Variants in SEPTIN11 observed in about 807,000 individuals in gnomAD.
The protein encoded by SEPTIN11 is septin 11, also known as septin-11.
In SEPTIN11, 25 loss-of-function variants were observed where a neutral mutation model predicts 51.4. The observed-to-expected ratio is 0.49, with a 90% CI of 0.35 to 0.68. The LOEUF (loss-of-function observed/expected upper bound fraction) is 0.68. SEPTIN11 is among the 30% of genes least tolerant of loss of function. The pLI is 0.00. For synonymous variants in SEPTIN11, 174 were observed against 184.1 expected, an observed-to-expected ratio of 0.95 and a Z score of 0.44; for missense variants, 381 against 520.8, an observed-to-expected ratio of 0.73 and a Z score of 2.61.
chr4:77,012,114 G>GA (rs1724910434), intron 4 of SEPTIN11, among the ~76,000 whole-genome samples, 193 bp downstream of exon 4: 1 of 117,630 alleles, frequency 8.5e-6, no homozygotes, highest in African/African-American at 3.2e-5. Context: ...AACAAAACTA[G>GA]CAAAAAAAAA....
intron 9 of SEPTIN11, among the ~76,000 whole-genome samples, chr4:77,034,248 A>G (rs2109989776): frequency 6.6e-6 from 1 of 152,326 alleles, no homozygotes; most frequent in East Asian, 1.9e-4. Flanking sequence ...TGGTTTCAAG[A>G]AGTCACTTGT....
At chr4:77,039,267 G>T, downstream of SEPTIN11, 1 of 1,138,734 alleles carries the variant, frequency 8.8e-7, no homozygotes, top group Non-Finnish European at 1.1e-6. Context: ...TGCCCATAGT[G>T]GATACTGAAG....
chr4:76,949,989 C>A, intron 1 of SEPTIN11, 59 bp downstream of exon 1: 1 of 1,383,704 alleles, frequency 7.2e-7, no homozygotes, highest in Non-Finnish European at 9.3e-7. Flanking sequence ...TGCTCTGGGG[C>A]GGGTGCGGTG....
In SEPTIN11 at chr4:77,012,148, G is replaced by A. The variant is rs556312980; in HGVS notation, c.525+227G>A. ...AAAAAAAAAGTCAAGTTGCTTTCCA[G>A]GAAGTATTTTTAATTCTTAAATGGG... is the stretch of plus-strand genomic sequence containing the variant. On this transcript the variant is annotated intron_variant, in intron 4 of 9. Transcript: ENST00000264893. Among the ~76,000 whole-genome samples, 8 of 149,386 alleles carry A rather than the reference G, an allele frequency of 5.4e-5. No homozygotes were observed. In the East Asian group the frequency reaches 1.4e-3, roughly 26 times the overall value.
intron 3 of SEPTIN11, among the ~76,000 whole-genome samples, chr4:77,010,984 A>T (rs892306464): frequency 1.3e-5 from 2 of 152,232 alleles, no homozygotes; most frequent in Non-Finnish European, 2.9e-5. Context: ...ATTACACATA[A>T]TTATCCAAAA....
chr4:77,010,665 T>A (rs1021713236), intron 3 of SEPTIN11, among the ~76,000 whole-genome samples: 1 of 152,248 alleles, frequency 6.6e-6, no homozygotes, highest in Non-Finnish European at 1.5e-5. Flanking sequence ...AGATTTGTGG[T>A]TCCCTTTCAA....
At chr4:77,033,192 G>A (rs1195938276) in intron 9 of SEPTIN11, among the ~76,000 whole-genome samples, 1 of 152,158 alleles carries the variant, frequency 6.6e-6, no homozygotes, top group South Asian at 2.1e-4. Context: ...ACTGCCAGTG[G>A]TAGTGGAGTG....
chr4:77,030,977 A>C lies in SEPTIN11; in HGVS notation c.1274+7A>C. On this transcript the variant is annotated splice_region_variant and intron_variant, in intron 9 of 9. Coordinates refer to ENST00000264893, the MANE Select transcript of SEPTIN11 (RefSeq NM_018243.4). ...AAGACAAGGATAAGAAAAAGTAAGC[A>C]GGTGTCACCCCCCTGTATCGGGGAC... 6.3e-7 allele frequency: 1 copy of C among 1,598,130 alleles called. No homozygotes were observed. The highest frequency in any genetic ancestry group is 1.8e-5 in the Admixed American group (1 of 54,540).
intron 1 of SEPTIN11, among the ~76,000 whole-genome samples, chr4:76,990,492 C>T (rs1440781245): frequency 6.6e-6 from 1 of 152,108 alleles, no homozygotes; most frequent in East Asian, 1.9e-4. Flanking sequence ...CAGCAGGAGG[C>T]GAGTGATGGG....
At chr4:76,995,736 A>G in intron 1 of SEPTIN11, 9 of 1,420,986 alleles carry the variant, frequency 6.3e-6, no homozygotes, top group South Asian at 3.1e-5. Context: ...GCTTCCAGCC[A>G]TATCCTATGT....
intron 1 of SEPTIN11, among the ~76,000 whole-genome samples, chr4:76,954,263 A>T (rs1458300836): frequency 2.0e-5 from 3 of 152,160 alleles, no homozygotes; most frequent in Admixed American, 6.5e-5. Context: ...GTTTCTCTTT[A>T]TAGGACTCTA....
chr4:76,950,761 G>C (rs1161536303), intron 1 of SEPTIN11, among the ~76,000 whole-genome samples: 1 of 152,166 alleles, frequency 6.6e-6, no homozygotes, highest in Non-Finnish European at 1.5e-5. Flanking sequence ...GGCCGGGCCG[G>C]AGGGGAGCGG....
chr4:77,039,581 A>G, downstream of SEPTIN11: 7 of 985,358 alleles, frequency 7.1e-6, no homozygotes, highest in Non-Finnish European at 8.4e-6. Context: ...CCGTCAGGTC[A>G]TAAGATCCGA....
chr4:76,959,005 T>C, intron 1 of SEPTIN11: 2 of 774,930 alleles, frequency 2.6e-6, no homozygotes, highest in Non-Finnish European at 4.7e-6. Context: ...CCACATCTAC[T>C]TCAAGGAATA....
chr4:76,974,931 T>TGGCCAA (rs1314241770), intron 1 of SEPTIN11: 2 of 449,524 alleles, frequency 4.4e-6, no homozygotes, highest in East Asian at 1.4e-4. Context: ...AAGACCAGCC[T>TGGCCAA]GGCCAAAATG....
At chr4:76,959,082 A>G (rs1306721284) in intron 1 of SEPTIN11, 4 of 666,738 alleles carry the variant, frequency 6.0e-6, no homozygotes, top group Middle Eastern at 4.4e-4. Context: ...GGCCCACACC[A>G]TGTGGCTGAG....
chr4:76,971,855 T>G (rs936478203), intron 1 of SEPTIN11, among the ~76,000 whole-genome samples: 3 of 152,262 alleles, frequency 2.0e-5, no homozygotes, highest in South Asian at 4.1e-4. Flanking sequence ...GGTCTAGGTA[T>G]AAAATGCCAA....
At chr4:76,953,449 T>C (rs2645700) in intron 1 of SEPTIN11, among the ~76,000 whole-genome samples, 134,630 of 152,226 alleles carry the variant, frequency 0.88, 59,911 homozygotes, top group African/African-American at 0.97. Context: ...TTCTTAAAGA[T>C]GAGGGCAGGG....
chr4:76,955,568 G>A (rs980452436), intron 1 of SEPTIN11, among the ~76,000 whole-genome samples: 6 of 152,194 alleles, frequency 3.9e-5, no homozygotes, highest in African/African-American at 1.4e-4. Flanking sequence ...CTCTTTAAAT[G>A]CTTTATATTC....
Sources: allele counts gnomAD v4.1 joint callset (sites outside exome capture counted in the v4.1 genomes callset), GRCh38; gene constraint gnomAD v4.1.1; transcripts MANE v1.5; gene names NCBI Gene and HGNC (gene_info 2026-07-23, HGNC 2026-07-21).